The following ITGAE variants were observed in gnomAD, a reference collection of about 807,000 sequenced individuals.
ITGAE encodes the protein integrin alpha-E.
Under a neutral mutation model 136.5 loss-of-function variants are expected in ITGAE, and 99 were observed. The ratio of observed to expected loss-of-function variants is 0.73; its 90% CI spans 0.62 to 0.86. The LOEUF (loss-of-function observed/expected upper bound fraction) is 0.86. ITGAE is among the 40% of genes least tolerant of loss of function. The pLI is 0.00. For synonymous variants in ITGAE, 613 were observed against 591.8 expected, an observed-to-expected ratio of 1.04 and a Z score of -0.52; for missense variants, 1,447 against 1,515.3, an observed-to-expected ratio of 0.95 and a Z score of 0.75.
rs2053125693 is a variant in ITGAE, at chr17:3,797,143, ATATATATATATATATTTTTTTTTT to A, written c.34+3944_34+3967del. 1.5e-4 allele frequency among the ~76,000 whole-genome samples: 6 copies of A among 40,958 alleles called. No homozygotes were observed. The South Asian group carries it at 4.7e-3, about 32-fold the overall frequency. 26.9% of individuals were successfully genotyped at this position (40,958 alleles called of 152,430 possible). A position where few individuals can be genotyped will look rare whatever the true frequency, so the allele number is the denominator to read the frequency against. On this transcript the variant is annotated intron_variant, in intron 1 of 30. Transcript: ENST00000263087. ...CACTACTGTGTGCTGGAAACTAAAT[ATATATATATATATATTTTTTTTTT>A]TTTTTTTTTTTTTTTTGAGACGGAG... is the stretch of plus-strand genomic sequence containing the variant.
At chr17:3,739,470 C>A (rs1417143083) in intron 20 of ITGAE, among the ~76,000 whole-genome samples, 1 of 152,134 alleles carries the variant, frequency 6.6e-6, no homozygotes, top group Non-Finnish European at 1.5e-5. Context: ...TTACCTCTAA[C>A]TGAGGTAGAG....
At chr17:3,775,010 G>A (rs1023619425) in intron 2 of ITGAE, among the ~76,000 whole-genome samples, 6 of 151,936 alleles carry the variant, frequency 3.9e-5, no homozygotes, top group African/African-American at 1.5e-4. Flanking sequence ...GCACAATCGC[G>A]GCTCACTGCA....
intron 12 of ITGAE, among the ~76,000 whole-genome samples, chr17:3,754,211 C>T (rs182314870): frequency 6.6e-6 from 1 of 152,180 alleles, no homozygotes; most frequent in Non-Finnish European, 1.5e-5. Context: ...CTCCCACACA[C>T]ACCCTAGGAG....
At chr17:3,734,756 G>A (rs1311025977) in intron 21 of ITGAE, 61 bp downstream of exon 21, 1 of 1,600,518 alleles carries the variant, frequency 6.2e-7, no homozygotes, top group African/African-American at 1.3e-5. Flanking sequence ...CCACAGAAAA[G>A]CAGGCATGCA....
Position 3,799,213 on chromosome 17 carries a change from A to C in ITGAE, c.34+1898T>G, listed in dbSNP as rs2053191921. 6.6e-6 allele frequency among the ~76,000 whole-genome samples: 1 copy of C among 152,046 alleles called. No individual in the cohort carries two copies. Among genetic ancestry groups the C allele is most frequent in the South Asian group, 2.1e-4 (1 of 4,812 alleles). The stretch of plus-strand genomic sequence containing the variant: ...CACCTCCTCCAGGAAACTCTCCTGG[A>C]CTGGCCCATCCTAGTCTCAGGACCT... On this transcript the variant is annotated intron_variant, in intron 1 of 30. Transcript: ENST00000263087. This position sits in a 1 kb window ranked among gnomAD's most constrained non-coding sequence, Gnocchi z 4.1.
At chr17:3,733,527 T>A (rs1445449461) in intron 21 of ITGAE, among the ~76,000 whole-genome samples, 1 of 152,156 alleles carries the variant, frequency 6.6e-6, no homozygotes, top group African/African-American at 2.4e-5. Flanking sequence ...TTCAAGTGAT[T>A]CTCGTGCCTC....
chr17:3,741,221 C>G (rs1206876762), intron 19 of ITGAE, among the ~76,000 whole-genome samples: 6 of 150,090 alleles, frequency 4.0e-5, no homozygotes, highest in Admixed American at 1.3e-4. Context: ...GGGACTACAG[C>G]TGCCCGCCAC....
intron 10 of ITGAE, among the ~76,000 whole-genome samples, chr17:3,756,149 T>C (rs932758794): frequency 2.0e-5 from 3 of 151,952 alleles, no homozygotes; most frequent in Non-Finnish European, 4.4e-5. Flanking sequence ...CATCCTTGTT[T>C]CTCCAGCACC....
intron 19 of ITGAE, among the ~76,000 whole-genome samples, chr17:3,743,226 AGCAAGT>A (rs1428158511): frequency 1.3e-5 from 2 of 152,242 alleles, no homozygotes; most frequent in Non-Finnish European, 2.9e-5. Context: ...TGAAAGATGT[AGCAAGT>A]GCTTTTGTGA....
rs142241517 is a variant in ITGAE, at chr17:3,723,335, C to T, written c.3190G>A (p.Glu1064Lys). ...ATCTCTGCAGCCACGGTGACATTTT[C>T]TTTATCTGAAGCGATGACACAGCTC... is the stretch of plus-strand genomic sequence containing the variant. Reference protein sequence around the residue: ...SVSCVIASDKENVTVAAEISW... With the variant: ...SVSCVIASDKKNVTVAAEISW... The change falls in exon 28 of 31, where the codon GAA (glutamate) becomes AAA (lysine). Residue 1064 changes from glutamate to lysine, a missense_variant. Glu to Lys is a moderately conservative substitution (Grantham distance 56). Transcript: ENST00000263087. The T allele has an allele frequency of 1.8e-5, 29 of 1,613,956 alleles. No individual in the cohort carries two copies. Among genetic ancestry groups the T allele is most frequent in the Non-Finnish European group, 2.3e-5 (27 of 1,179,902 alleles).
chr17:3,745,548 G>A (rs1220554952), intron 18 of ITGAE, among the ~76,000 whole-genome samples: 2 of 152,142 alleles, frequency 1.3e-5, no homozygotes, highest in Non-Finnish European at 2.9e-5. Flanking sequence ...CACCGTGTTG[G>A]CCCGGCTGGT....
intron 1 of ITGAE, among the ~76,000 whole-genome samples, chr17:3,784,132 C>T (rs1028341554): frequency 2.2e-4 from 34 of 151,936 alleles, no homozygotes; most frequent in African/African-American, 5.3e-4. Flanking sequence ...TGGTGGCGGG[C>T]GCCTGTAGTC....
chr17:3,737,280 G>A (rs1490583983), intron 20 of ITGAE, among the ~76,000 whole-genome samples: 1 of 152,044 alleles, frequency 6.6e-6, no homozygotes, highest in African/African-American at 2.4e-5. Flanking sequence ...GTGACAGAGT[G>A]AGACCCTGTC....
chr17:3,759,254 G>C, intron 8 of ITGAE, 148 bp downstream of exon 8: 1 of 843,586 alleles, frequency 1.2e-6, no homozygotes, highest in African/African-American at 1.7e-5. Flanking sequence ...CAGCCTTGAG[G>C]TGTCATCCCT....
At chr17:3,788,934 T>C (rs1406840242) in intron 1 of ITGAE, among the ~76,000 whole-genome samples, 1 of 151,416 alleles carries the variant, frequency 6.6e-6, no homozygotes, top group Non-Finnish European at 1.5e-5. Flanking sequence ...AAGTTCATGA[T>C]ATTTACAAGA....
At chr17:3,743,200 G>C (rs543577683) in intron 19 of ITGAE, among the ~76,000 whole-genome samples, 28 of 152,370 alleles carry the variant, frequency 1.8e-4, no homozygotes, top group African/African-American at 5.5e-4. Context: ...AGGATGCAAT[G>C]TATGCATGTG....
At chr17:3,784,866 T>C (rs1370319151) in intron 1 of ITGAE, among the ~76,000 whole-genome samples, 1 of 152,206 alleles carries the variant, frequency 6.6e-6, no homozygotes, top group Non-Finnish European at 1.5e-5. Context: ...GCACAGTGGC[T>C]CGTGCCTGTC....
At chr17:3,750,729 C>T (rs2051845366) in intron 15 of ITGAE, among the ~76,000 whole-genome samples, 1 of 151,414 alleles carries the variant, frequency 6.6e-6, no homozygotes, top group Non-Finnish European at 1.5e-5. Context: ...AAGAGCAGGG[C>T]CTTCTGAGAA....
At position 3,761,137 on chromosome 17, in the gene ITGAE, G is replaced by A. The variant is rs1213536298; in HGVS notation, c.474C>T (p.Asp158=). The A allele has an allele frequency of 6.2e-7, 1 of 1,613,174 alleles. No homozygotes were observed. The highest frequency in any genetic ancestry group is 1.3e-5 in the African/African-American group (1 of 74,868). ...LDPDARVDTG[D]CYSNKEGGGE... ...CACCGCCTTCTTTGTTGCTGTAGCA[G>A]TCTCCAGTGTCCACACGTGCATCTG... is the stretch of plus-strand genomic sequence containing the variant. Residue 158 remains aspartate (D), a synonymous_variant, in exon 6 of 31, where the codon GAC becomes GAT. Transcript: ENST00000263087.
Sources: gnomAD v4.1 joint callset for allele counts (sites outside exome capture counted in the v4.1 genomes callset) on GRCh38, gnomAD v4.1.1 for gene constraint, Gnocchi (gnomAD v3.1) non-coding constraint, MANE v1.5 for transcripts, NCBI Gene and HGNC (gene_info 2026-07-23, HGNC 2026-07-21) for gene names.